Variants in TCHH observed in about 807,000 individuals in gnomAD.
TCHH encodes the protein trichohyalin.
Under a neutral mutation model 6.3 loss-of-function variants are expected in TCHH, and 6 were observed. The ratio of observed to expected loss-of-function variants is 0.95; its 90% confidence interval spans 0.52 to 1.88. TCHH has a LOEUF of 1.88. Among genes scored for constraint, TCHH ranks in the 40% most tolerant of loss-of-function variants. TCHH has a pLI of 0.01. For missense variants in TCHH, 2,920 were observed against 2,449.1 expected (o/e 1.19, Z -4.06); for synonymous variants, 1,087 against 963.6 (o/e 1.13, Z -2.37).
chr1:152,108,032 C>G lies in TCHH; in HGVS notation c.5185G>C (p.Glu1729Gln). ...TGCTCCGTTTCTTGGCGCAGCTGTTCCTCCTCACGGAATTTTCTCTCCAGT... is the reference window on the plus strand; with the variant it reads ...TGCTCCGTTTCTTGGCGCAGCTGTTGCTCCTCACGGAATTTTCTCTCCAGT... ...QELERKFREEEQLRQETEQEQ... is the reference protein window; with the variant it reads ...QELERKFREEQQLRQETEQEQ... The change falls in exon 3 of 3, where the codon GAA becomes CAA. Residue 1729 changes from glutamate to glutamine, a missense_variant. By Grantham distance (29) the Glu-to-Gln change is conservative. Coordinates refer to ENST00000614923, the MANE Select transcript of TCHH (RefSeq NM_007113.4). The G allele has an allele frequency of 6.2e-7, 1 of 1,613,660 alleles. No individual in the cohort carries two copies. The highest frequency in any genetic ancestry group is 1.1e-5 in the South Asian group (1 of 91,052).
In TCHH at chr1:152,107,510, A is replaced by T. The variant is rs1485990323; in HGVS notation, c.5707T>A (p.Ser1903Thr). The T allele has an allele frequency of 6.2e-7, 1 of 1,613,982 alleles. No homozygotes were observed. Among genetic ancestry groups the T allele is most frequent in the Non-Finnish European group, 8.5e-7 (1 of 1,179,992 alleles). ...CGCCCATGGCCCTTCCCTTCTTGGGATTTTATCTCCCCGACTTGGCGGTGC... is the reference window on the plus strand; with the variant it reads ...CGCCCATGGCCCTTCCCTTCTTGGGTTTTTATCTCCCCGACTTGGCGGTGC... ...QRHRQVGEIK[S>T]QEGKGHGRLL... is the part of the protein sequence containing the mutation. The change falls in exon 3 of 3, where the codon TCC becomes ACC. Residue 1903 changes from serine to threonine, a missense_variant. Physicochemically the swap from Ser to Thr is moderately conservative, Grantham distance 58. Transcript: ENST00000614923.
At chr1:152,113,149 ATATAT>A in intron 2 of TCHH, 71 bp from the exon 3 acceptor site, 1 of 1,366,416 alleles carries the variant, frequency 7.3e-7, no homozygotes, top group Non-Finnish European at 9.9e-7. Context: ...TTCACACATG[ATATAT>A]TTTATGCTAT....
At position 152,109,668 on chromosome 1, in the gene TCHH, C is replaced by T. The variant is rs774423850; in HGVS notation, c.3549G>A (p.Leu1183=). The T allele has an allele frequency of 8.7e-6, 14 of 1,609,068 alleles. No homozygotes were observed. In the East Asian group the frequency reaches 2.7e-4, roughly 31 times the overall value. ...GCCTTTTCTCCTGTTCCTCTCTCAG[C>T]AGCTGCTCTTCCTCCTGCTGCAGCT... is the stretch of plus-strand genomic sequence containing the variant. ...EEELQQEEEQ[L]LREEQEKRRQ... is the part of the protein sequence containing the mutation. Residue 1183 remains leucine, a synonymous_variant, in exon 3 of 3, where the codon CTG becomes CTA. Transcript: ENST00000614923.
chr1:152,109,364 G>A lies in TCHH; in HGVS notation c.3853C>T (p.Arg1285Cys). 4 of 1,614,196 alleles carry A rather than the reference G, an allele frequency of 2.5e-6. No homozygotes were observed. Among genetic ancestry groups the A allele is most frequent in the Non-Finnish European group, 1.7e-6 (2 of 1,180,038 alleles). ...QERDREQERR[R>C]WQQRDRHFPE... is the part of the protein sequence containing the mutation. ...AAATGCCTGTCGCGCTGCTGCCAGCGCCTCCTCTCTTGCTCACGATCTCGC... is the reference window on the plus strand; with the variant it reads ...AAATGCCTGTCGCGCTGCTGCCAGCACCTCCTCTCTTGCTCACGATCTCGC... The change falls in exon 3 of 3, where the codon CGC (arginine) becomes TGC (cysteine). Residue 1285 changes from arginine (R) to cysteine (C), a missense_variant. Coordinates refer to ENST00000614923, the MANE Select transcript of TCHH (RefSeq NM_007113.4).
In TCHH at chr1:152,108,571, C is replaced by T. The variant is rs181128140; in HGVS notation, c.4646G>A (p.Arg1549Gln). The T allele has an allele frequency of 2.1e-6, 3 of 1,446,006 alleles. No individual in the cohort carries two copies. Among genetic ancestry groups the T allele is most frequent in the East Asian group, 3.0e-5 (1 of 33,328 alleles). 89.6% of individuals were successfully genotyped at this position (1,446,006 alleles called of 1,614,324 possible). ...GAATTTTCTGTCACGGTCCTGACGCCGCTGTTGCCCGCGCTCCTGGCGGCG... is the reference window on the plus strand; with the variant it reads ...GAATTTTCTGTCACGGTCCTGACGCTGCTGTTGCCCGCGCTCCTGGCGGCG... ...QLRRQERGQQ[R>Q]RQDRDRKFRE... Residue 1549 changes from arginine to glutamine, a missense_variant, in exon 3 of 3, where the codon CGG becomes CAG. Physicochemically the swap from Arg to Gln is conservative, Grantham distance 43. Coordinates refer to ENST00000614923, the MANE Select transcript of TCHH (RefSeq NM_007113.4).
chr1:152,113,058 C>T lies in TCHH; in HGVS notation c.159G>A (p.Thr53=). 7 of 1,610,384 alleles carry T rather than the reference C, an allele frequency of 4.3e-6. No individual in the cohort carries two copies. Among genetic ancestry groups the T allele is most frequent in the Non-Finnish European group, 5.9e-6 (7 of 1,178,082 alleles). ...CCAGAAGTTCCAGGATCAGATCTACCGTCTTAGGGTCATGTGGTCTCTATA... is the reference window on the plus strand; with the variant it reads ...CCAGAAGTTCCAGGATCAGATCTACTGTCTTAGGGTCATGTGGTCTCTATA... ...AVLRRPHDPK[T]VDLILELLDL... is the part of the protein sequence containing the mutation. Residue 53 remains threonine (T), a synonymous_variant, in exon 3 of 3, where the codon ACG becomes ACA. Coordinates refer to ENST00000614923, the MANE Select transcript of TCHH (RefSeq NM_007113.4).
rs1658114821 is a variant in TCHH at position 152,106,689 on chromosome 1, A to G, written c.*696T>C. On this transcript the variant is annotated 3_prime_UTR_variant, in exon 3 of 3. Coordinates refer to ENST00000614923, the MANE Select transcript of TCHH (RefSeq NM_007113.4). ...CTCTGAAGTTGAGAAACACCTCATT[A>G]TTTCTTCATGAGATTATGTGTTTAA... 1.3e-5 allele frequency: 2 copies of G among 152,208 alleles called. No homozygotes were observed. Among genetic ancestry groups the G allele is most frequent in the African/African-American group, 4.8e-5 (2 of 41,456 alleles). The allele number at this position is 152,208 out of a possible 1,614,324, so 9.4% of individuals were successfully genotyped here. A position where few individuals can be genotyped will look rare whatever the true frequency, so the allele number is the denominator to read the frequency against.
chr1:152,111,882 C>T lies in TCHH; in HGVS notation c.1335G>A (p.Gln445=). 1 of 1,609,094 alleles carries T rather than the reference C, an allele frequency of 6.2e-7. No individual in the cohort carries two copies. The highest frequency in any genetic ancestry group is 8.5e-7 in the Non-Finnish European group (1 of 1,179,354). ...EQKHEQERRE[Q]RLKREQEERR... ...TCTCCTCCTGCTCGCGCTTCAGCCG[C>T]TGCTCGCGCCTCTCCTGCTCGTGCT... is the stretch of plus-strand genomic sequence containing the variant. The change falls in exon 3 of 3, where the codon CAG becomes CAA. Residue 445 remains glutamine, a synonymous_variant. Transcript: ENST00000614923.
rs777542083 is a variant in TCHH at position 152,112,985 on chromosome 1, T to C, written c.232A>G (p.Ile78Val). The C allele has an allele frequency of 6.2e-7, 1 of 1,613,670 alleles. No individual in the cohort carries two copies. The highest frequency in any genetic ancestry group is 1.7e-5 in the Admixed American group (1 of 59,996). ...TAACAAGCTTGAGCCACTTTGAAAA[T>C]AAATAGGAGGAATTCGTTGAAATCG... is the stretch of plus-strand genomic sequence containing the variant. ...RVDFNEFLLF[I>V]FKVAQACYYA... The change falls in exon 3 of 3, where the codon ATT becomes GTT. Residue 78 changes from isoleucine to valine, a missense_variant. Transcript: ENST00000614923.
At position 152,107,239 on chromosome 1, in the gene TCHH, T is replaced by C. The variant is rs1471442858; in HGVS notation, c.*146A>G. On this transcript the variant is annotated 3_prime_UTR_variant, in exon 3 of 3. Coordinates refer to ENST00000614923, the MANE Select transcript of TCHH (RefSeq NM_007113.4). ...AAGTACAAAGTGCGTAAAATGAGCG[T>C]AGTTTAAGATTTTGGAAGAAAAGAC... 6.1e-6 allele frequency: 5 copies of C among 818,664 alleles called. No individual in the cohort carries two copies. Among genetic ancestry groups the C allele is most frequent in the Non-Finnish European group, 7.5e-6 (4 of 535,180 alleles). The allele number at this position is 818,664 out of a possible 1,614,324, so 50.7% of individuals were successfully genotyped here.
At position 152,112,946 on chromosome 1, in the gene TCHH, G is replaced by A. The variant is rs1336969202; in HGVS notation, c.271C>T (p.Gln91Ter). Residue 91 changes from glutamine to a stop codon, truncating the protein, a stop_gained, in exon 3 of 3, where the codon CAG becomes TAG. Transcript: ENST00000614923. LOFTEE classifies it low-confidence loss of function (END_TRUNC). ...TTCTCCTCATCCAGTCCCGTGGCCT[G>A]GCCGAGAGCATAGTAACAAGCTTGA... The part of the protein sequence containing the change: ...VAQACYYALG[Q>*]ATGLDEEKRA... 1 of 1,613,970 alleles carries A rather than the reference G, an allele frequency of 6.2e-7. No homozygotes were observed. Among genetic ancestry groups the A allele is most frequent in the Admixed American group, 1.7e-5 (1 of 59,994 alleles).
chr1:152,109,908 G>A lies in TCHH; in HGVS notation c.3309C>T (p.Arg1103=). The A allele has an allele frequency of 6.3e-7, 1 of 1,585,680 alleles. No homozygotes were observed. Reference sequence around the variant, plus strand: ...CCCGACATTGCCTCTCCCGCTCCTGGCGCCTTCTCTTCTCCGGTTCCTCTC... The same window carrying A: ...CCCGACATTGCCTCTCCCGCTCCTGACGCCTTCTCTTCTCCGGTTCCTCTC... ...LLREEPEKRR[R]QERERQCREE... The change falls in exon 3 of 3, where the codon CGC becomes CGT. Residue 1103 remains arginine, a synonymous_variant. Coordinates refer to ENST00000614923, the MANE Select transcript of TCHH (RefSeq NM_007113.4).
rs771849180 is a variant in TCHH, at chr1:152,113,019, A to G, written c.198T>C (p.Asn66=). 1.1e-5 allele frequency: 18 copies of G among 1,614,046 alleles called. No homozygotes were observed. The South Asian group carries it at 1.6e-4, about 15-fold the overall frequency. Residue 66 remains asparagine, a synonymous_variant, in exon 3 of 3, where the codon AAT becomes AAC. Transcript: ENST00000614923. ...GGAATTCGTTGAAATCGACACGCCC[A>G]TTACTGTCAAGATCCAGAAGTTCCA... The part of the protein sequence containing the change: ...LILELLDLDS[N]GRVDFNEFLL...
chr1:152,109,020 C>A lies in TCHH; in HGVS notation c.4197G>T (p.Leu1399=), dbSNP rs749714138. The A allele has an allele frequency of 6.2e-7, 1 of 1,613,698 alleles. No individual in the cohort carries two copies. Among genetic ancestry groups the A allele is most frequent in the Non-Finnish European group, 8.5e-7 (1 of 1,179,864 alleles). Residue 1399 remains leucine (L), a synonymous_variant, in exon 3 of 3, where the codon CTG becomes CTT. Transcript: ENST00000614923. ...ERKFLKEEQQ[L]RCQEREQQLR... ...GCTGTTGCTCGCGCTCCTGGCAGCG[C>A]AGCTGCTGTTCCTCCTTAAGGAATT...
rs972903925 is a variant in TCHH at position 152,108,763 on chromosome 1, C to G, written c.4454G>C (p.Arg1485Thr). 1 of 1,613,190 alleles carries G rather than the reference C, an allele frequency of 6.2e-7. No individual in the cohort carries two copies. Among genetic ancestry groups the G allele is most frequent in the South Asian group, 1.1e-5 (1 of 91,036 alleles). The part of the protein sequence containing the change: ...EQQLHRQERD[R>T]KFLEEEQQLR... Reference sequence around the variant, plus strand: ...CTGTTGTTCCTCCTCCAGGAATTTTCTGTCACGCTCTTGGCGGTGCAGCTG... The same window carrying G: ...CTGTTGTTCCTCCTCCAGGAATTTTGTGTCACGCTCTTGGCGGTGCAGCTG... Residue 1485 changes from arginine (R) to threonine (T), a missense_variant, in exon 3 of 3, where the codon AGA becomes ACA. Transcript: ENST00000614923.
chr1:152,112,631 A>G lies in TCHH; in HGVS notation c.586T>C (p.Cys196Arg), dbSNP rs1658418077. The G allele has an allele frequency of 2.5e-6, 4 of 1,613,322 alleles. No homozygotes were observed. The highest frequency in any genetic ancestry group is 3.4e-6 in the Non-Finnish European group (4 of 1,179,914). Residue 196 changes from cysteine (C) to arginine (R), a missense_variant, in exon 3 of 3, where the codon TGC becomes CGC. Cys to Arg is a radical substitution (Grantham distance 180). Transcript: ENST00000614923. Reference protein sequence around the residue: ...RRAEEEQLQSCKGHETEEFPD... With the variant: ...RRAEEEQLQSRKGHETEEFPD... Reference sequence around the variant, plus strand: ...AACTCCTCAGTTTCGTGACCTTTGCAACTCTGCAGCTGCTCTTCCTCTGCA... The same window carrying G: ...AACTCCTCAGTTTCGTGACCTTTGCGACTCTGCAGCTGCTCTTCCTCTGCA...
intron 2 of TCHH, among the ~76,000 whole-genome samples, chr1:152,113,448 A>G (rs960612632): frequency 2.0e-5 from 3 of 152,246 alleles, no homozygotes; most frequent in Non-Finnish European, 2.9e-5. Flanking sequence ...TCAAGAAAGA[A>G]TAACACAAGT....
rs776268764 is a variant in TCHH at position 152,107,712 on chromosome 1, C to T, written c.5505G>A (p.Gln1835=). 9.3e-6 allele frequency: 15 copies of T among 1,614,140 alleles called. No homozygotes were observed. The Admixed American group carries it at 2.3e-4, about 25-fold the overall frequency. The change falls in exon 3 of 3, where the codon CAG becomes CAA. Residue 1835 remains glutamine (Q), a synonymous_variant. Coordinates refer to ENST00000614923, the MANE Select transcript of TCHH (RefSeq NM_007113.4). ...GCCGGTCTCGCTCCTGCCGCAGCCT[C>T]TGCTCTTGTTCCTCAAGTTGGAGCT... The part of the protein sequence containing the change: ...EEQLQLEEQE[Q]RLRQERDRQY...
chr1:152,111,791 G>C lies in TCHH; in HGVS notation c.1426C>G (p.Leu476Val), dbSNP rs1336423522. The C allele has an allele frequency of 6.3e-7, 1 of 1,594,038 alleles. No individual in the cohort carries two copies. The highest frequency in any genetic ancestry group is 8.5e-7 in the Non-Finnish European group (1 of 1,174,370). ...RHEQERRKQQ[L>V]KRDQEEERRE... The stretch of plus-strand genomic sequence containing the variant: ...CTCTCCTCCTCCTGGTCGCGCTTCA[G>C]CTGCTGCTTGCGCCTCTCCTGCTCG... Residue 476 changes from leucine to valine, a missense_variant, in exon 3 of 3, where the codon CTG becomes GTG. Physicochemically the swap from Leu to Val is conservative, Grantham distance 32 (BLOSUM62 1). Coordinates refer to ENST00000614923, the MANE Select transcript of TCHH (RefSeq NM_007113.4).
Sources: allele counts gnomAD v4.1 joint callset (sites outside exome capture counted in the v4.1 genomes callset), GRCh38; gene constraint gnomAD v4.1.1; transcripts MANE v1.5; gene names NCBI Gene and HGNC (gene_info 2026-07-23, HGNC 2026-07-21).